The following RHPN2 variants were observed in gnomAD, a reference collection of about 807,000 sequenced individuals.
RHPN2 encodes rhophilin Rho GTPase binding protein 2, also known as rhophilin-2.
A neutral mutation model predicts 79.0 loss-of-function variants in RHPN2; 40 were observed. The ratio of observed to expected loss-of-function variants is 0.51; its 90% CI spans 0.39 to 0.66. RHPN2 has a LOEUF of 0.66. Ranked by LOEUF, RHPN2 falls within the 30% of genes least tolerant of loss-of-function variation. The pLI, the probability that RHPN2 is intolerant of heterozygous loss-of-function variation, is 0.00. For synonymous variants in RHPN2, 285 were observed against 363.5 expected, an observed-to-expected ratio of 0.78 and a Z score of 2.46; for missense variants, 686 against 883.5, an observed-to-expected ratio of 0.78 and a Z score of 2.83.
chr19:33,002,595 A>T (rs1971758664), intron 8 of RHPN2, among the ~76,000 whole-genome samples, 192 bp from the exon 9 acceptor site: 1 of 152,168 alleles, frequency 6.6e-6, no homozygotes, highest in Non-Finnish European at 1.5e-5. Context: ...GGCTGCTGTC[A>T]TTATGCTGGT....
At chr19:33,054,062 G>A (rs77013317) in intron 1 of RHPN2, among the ~76,000 whole-genome samples, 2,234 of 150,860 alleles carry the variant, frequency 0.015, 58 homozygotes, top group African/African-American at 0.052. Context: ...GAGTTTTGTC[G>A]ATGCAGCCCA....
chr19:33,017,884 G>A (rs1310205546), intron 4 of RHPN2, among the ~76,000 whole-genome samples: 2 of 151,908 alleles, frequency 1.3e-5, no homozygotes, highest in African/African-American at 2.4e-5. Flanking sequence ...AGCCTGGCAC[G>A]GTGGCTCATG....
At chr19:33,006,672 G>A (rs939767152) in intron 7 of RHPN2, among the ~76,000 whole-genome samples, 15 of 152,212 alleles carry the variant, frequency 9.9e-5, no homozygotes, top group Non-Finnish European at 2.2e-4. Context: ...ACACAGCCCT[G>A]CTATGGGGGA....
At chr19:33,034,316 C>A (rs1329843437) in intron 2 of RHPN2, among the ~76,000 whole-genome samples, 1 of 148,568 alleles carries the variant, frequency 6.7e-6, no homozygotes, top group African/African-American at 2.5e-5. Context: ...ACTAAAAATA[C>A]AAAAGTTGGC....
intron 14 of RHPN2, among the ~76,000 whole-genome samples, chr19:32,980,511 A>C (rs879666395): frequency 1.3e-5 from 2 of 152,120 alleles, no homozygotes; most frequent in African/African-American, 2.4e-5. Flanking sequence ...GAGCCTGGGC[A>C]CAAGAATCAC....
chr19:33,050,345 C>T (rs1358897887), intron 1 of RHPN2, among the ~76,000 whole-genome samples: 2 of 152,288 alleles, frequency 1.3e-5, no homozygotes, highest in East Asian at 1.9e-4. Flanking sequence ...TTTTCATTTA[C>T]AGCAACCAAT....
intron 1 of RHPN2, 52 bp downstream of exon 1, chr19:33,064,731 GA>G (rs1414632241): frequency 2.0e-6 from 3 of 1,505,584 alleles, no homozygotes; most frequent in East Asian, 5.2e-5. Context: ...GGGCCCGGGG[GA>G]AAGGAGGTCT....
chr19:33,033,893 A>T (rs534788469), intron 2 of RHPN2, among the ~76,000 whole-genome samples: 1 of 151,974 alleles, frequency 6.6e-6, no homozygotes, highest in Admixed American at 6.6e-5. Flanking sequence ...AAATAAAATA[A>T]AAATAAATAA....
rs141634565 is a variant in RHPN2 at position 33,038,782 on chromosome 19, C to A, written c.185+5467G>T. On this transcript the variant is annotated intron_variant, in intron 2 of 14. Coordinates refer to ENST00000254260, the MANE Select transcript of RHPN2 (RefSeq NM_033103.5). ...AGGGGATTCTCCAGCCTCAGCCTCC[C>A]GAGTAGCTGGGATTACAGATGTGTG... is the stretch of plus-strand genomic sequence containing the variant. Among the ~76,000 whole-genome samples the A allele has an allele frequency of 3.5e-3, 534 of 152,254 alleles. 2 individuals carry two copies. The highest frequency in any genetic ancestry group is 0.012 in the African/African-American group (504 of 41,556).
chr19:33,064,724 C>A (rs1972312593), intron 1 of RHPN2, 60 bp downstream of exon 1: 1 of 1,489,464 alleles, frequency 6.7e-7, no homozygotes, highest in Non-Finnish European at 9.0e-7. Flanking sequence ...CCCTGCAGGG[C>A]CCGGGGGAAA....
At chr19:33,014,490 A>G (rs955727228) in intron 4 of RHPN2, among the ~76,000 whole-genome samples, 2 of 151,958 alleles carry the variant, frequency 1.3e-5, no homozygotes, top group African/African-American at 4.8e-5. Context: ...ATTTTTCATA[A>G]AGACAGAGTC....
At chr19:33,011,566 A>T in intron 6 of RHPN2, 113 bp downstream of exon 6, 2 of 1,268,506 alleles carry the variant, frequency 1.6e-6, no homozygotes, top group Non-Finnish European at 2.3e-6. Flanking sequence ...GCAAGATAGG[A>T]AAGGGGGCTG....
At chr19:33,051,874 T>A (rs538676990) in intron 1 of RHPN2, among the ~76,000 whole-genome samples, 7 of 120,230 alleles carry the variant, frequency 5.8e-5, no homozygotes, top group African/African-American at 3.2e-4. Context: ...ATACAAAACT[T>A]AGCCCAGGCG....
chr19:33,022,985 A>G (rs1971936573), intron 3 of RHPN2, among the ~76,000 whole-genome samples: 1 of 152,088 alleles, frequency 6.6e-6, no homozygotes, highest in African/African-American at 2.4e-5. Flanking sequence ...GCTCCAGGGT[A>G]CCCCAGCCCC....
chr19:32,990,167 G>GAAAGAAAAAGAAAGAA (rs1491437447), intron 14 of RHPN2, among the ~76,000 whole-genome samples: 1 of 144,782 alleles, frequency 6.9e-6, no homozygotes, highest in Non-Finnish European at 1.5e-5. Context: ...GAAAGAAAGA[G>GAAAGAAAAAGAAAGAA]CGAGCCAGGG....
chr19:33,031,644 G>A (rs756916625), intron 2 of RHPN2, among the ~76,000 whole-genome samples: 6 of 151,850 alleles, frequency 4.0e-5, no homozygotes, highest in Non-Finnish European at 8.8e-5. Context: ...TCACCCTCCT[G>A]AGTAGCTGGA....
intron 3 of RHPN2, among the ~76,000 whole-genome samples, chr19:33,024,391 C>T (rs935518566): frequency 1.3e-5 from 2 of 152,126 alleles, no homozygotes; most frequent in Non-Finnish European, 2.9e-5. Context: ...CGAGATCATG[C>T]CACTACACTC....
At chr19:33,003,621 T>C (rs2145232464) in intron 7 of RHPN2, among the ~76,000 whole-genome samples, 1 of 152,100 alleles carries the variant, frequency 6.6e-6, no homozygotes, top group Admixed American at 6.6e-5. Flanking sequence ...ATGTGGCCTA[T>C]CCATACAACA....
intron 1 of RHPN2, among the ~76,000 whole-genome samples, chr19:33,050,609 T>C (rs944140562): frequency 1.3e-5 from 2 of 152,222 alleles, no homozygotes; most frequent in African/African-American, 2.4e-5. Context: ...TAGACTTTTA[T>C]GTCTGGTTTA....
Sources: gnomAD v4.1 joint callset for allele counts (sites outside exome capture counted in the v4.1 genomes callset) on GRCh38, gnomAD v4.1.1 for gene constraint, MANE v1.5 for transcripts, NCBI Gene and HGNC (gene_info 2026-07-23, HGNC 2026-07-21) for gene names.